Variants in GNAS-AS1 observed in about 807,000 individuals in gnomAD.
GNAS-AS1 encodes the protein GNAS antisense RNA 1 (non-protein coding).
At chr20:58,832,105 A>T (rs1162052525) in intron 4 of GNAS-AS1, among the ~76,000 whole-genome samples, 2 of 152,224 alleles carry the variant, frequency 1.3e-5, no homozygotes, top group Non-Finnish European at 2.9e-5. Context: ...AAAGTGGCAG[A>T]AGATGAGAAA....
At chr20:58,823,485 C>T (rs1034577803) in intron 4 of GNAS-AS1, among the ~76,000 whole-genome samples, 1 of 152,192 alleles carries the variant, frequency 6.6e-6, no homozygotes, top group Admixed American at 6.5e-5. Flanking sequence ...GACGGGCGCA[C>T]GTGCCTGGAG....
chr20:58,831,386 AAAC>A (rs2085567790), intron 4 of GNAS-AS1, among the ~76,000 whole-genome samples: 1 of 152,344 alleles, frequency 6.6e-6, no homozygotes, highest in East Asian at 1.9e-4. Context: ...AAAATTTAAA[AAAC>A]AACATCAGCG....
intron 4 of GNAS-AS1, among the ~76,000 whole-genome samples, chr20:58,822,495 C>T (rs896865129): frequency 2.6e-5 from 4 of 152,186 alleles, no homozygotes; most frequent in African/African-American, 9.7e-5. Flanking sequence ...TGGCCAAAGG[C>T]TTCTGTAAAA....
At chr20:58,821,448 C>T (rs2085486569) in intron 4 of GNAS-AS1, among the ~76,000 whole-genome samples, 1 of 152,250 alleles carries the variant, frequency 6.6e-6, no homozygotes, top group Non-Finnish European at 1.5e-5. Flanking sequence ...GATTTTCCTG[C>T]TGTGTGGCCT....
chr20:58,827,291 T>C (rs2085527344), intron 4 of GNAS-AS1, among the ~76,000 whole-genome samples: 2 of 152,252 alleles, frequency 1.3e-5, no homozygotes, highest in East Asian at 1.9e-4. Context: ...TCCTGACTCA[T>C]AGAGGGCCTG....
At chr20:58,847,834 C>T (rs913812138) in intron 2 of GNAS-AS1, among the ~76,000 whole-genome samples, 1 of 152,196 alleles carries the variant, frequency 6.6e-6, no homozygotes, top group African/African-American at 2.4e-5. Context: ...GCTACCTAAA[C>T]TTGAGATATG....
intron 4 of GNAS-AS1, among the ~76,000 whole-genome samples, chr20:58,837,459 G>A (rs2085611240): frequency 6.6e-6 from 1 of 152,194 alleles, no homozygotes; most frequent in South Asian, 2.1e-4. Context: ...TGGTAGAGCA[G>A]GGCACAACTG....
chr20:58,832,871 C>G (rs998793843), intron 4 of GNAS-AS1, among the ~76,000 whole-genome samples: 1 of 152,246 alleles, frequency 6.6e-6, no homozygotes, highest in Non-Finnish European at 1.5e-5. Context: ...TCTCAATCCC[C>G]ACACAGCACC....
At chr20:58,827,333 C>G (rs528555357) in intron 4 of GNAS-AS1, among the ~76,000 whole-genome samples, 1 of 152,260 alleles carries the variant, frequency 6.6e-6, no homozygotes, top group African/African-American at 2.4e-5. Flanking sequence ...TCTCCTCTAC[C>G]AGAAAGAAGA....
At chr20:58,842,884 A>G (rs1023589275) in intron 2 of GNAS-AS1, among the ~76,000 whole-genome samples, 13 of 152,218 alleles carry the variant, frequency 8.5e-5, no homozygotes, top group African/African-American at 3.1e-4. Context: ...CCGTTTTCCC[A>G]CAGAGAATTA....
chr20:58,840,101 A>G lies in GNAS-AS1; in HGVS notation n.819+1836T>C, dbSNP rs565827536. The stretch of plus-strand genomic sequence containing the variant: ...CAGGCCGGCTTCTCGGTGTGTGCCT[A>G]AGAGGATGGATCGGAGGTCCCGGGC... On this transcript the variant is annotated intron_variant and non_coding_transcript_variant, in intron 4 of 4. Coordinates refer to ENST00000424094, the Ensembl canonical transcript of GNAS-AS1. The surrounding 1 kb of genome is among the most constrained non-coding windows in gnomAD (Gnocchi z 6.0). 2.9e-5 allele frequency: 47 copies of G among 1,610,098 alleles called. No homozygotes were observed. The South Asian group carries it at 4.8e-4, about 17-fold the overall frequency.
chr20:58,833,762 T>C (rs2085583272), intron 4 of GNAS-AS1: 1 of 152,206 alleles, frequency 6.6e-6, no homozygotes, highest in Non-Finnish European at 1.5e-5. Flanking sequence ...TCATCTTCAC[T>C]GGACTGTCTT....
intron 4 of GNAS-AS1, among the ~76,000 whole-genome samples, chr20:58,834,945 C>A (rs1362089775): frequency 2.0e-5 from 3 of 152,172 alleles, no homozygotes; most frequent in Non-Finnish European, 2.9e-5. Context: ...GGCATTCCCC[C>A]AAATCTCAAA....
intron 4 of GNAS-AS1, among the ~76,000 whole-genome samples, chr20:58,822,460 C>A (rs941147560): frequency 6.6e-6 from 1 of 152,200 alleles, no homozygotes. Context: ...AAACTAGAGG[C>A]TCCACTAGAC....
intron 2 of GNAS-AS1, among the ~76,000 whole-genome samples, chr20:58,848,649 G>T (rs77425686): frequency 6.6e-6 from 1 of 152,142 alleles, no homozygotes; most frequent in Non-Finnish European, 1.5e-5. Context: ...TCTTGAGCTA[G>T]CAAAATTATC....
chr20:58,824,814 T>C (rs79375984), intron 4 of GNAS-AS1, among the ~76,000 whole-genome samples: 6,088 of 152,234 alleles, frequency 0.04, 197 homozygotes, highest in African/African-American at 0.078. Flanking sequence ...GAAGAGAGCA[T>C]TGTACTTTCT....
Position 58,841,598 on chromosome 20 carries a change from G to A in GNAS-AS1, n.819+339C>T. ...CTCGCGGGACAGAGACCGCCTCAAA[G>A]AGCGTGCGCACCTGCCCGCGCGCGC... On this transcript the variant is annotated intron_variant and non_coding_transcript_variant, in intron 4 of 4. Transcript: ENST00000424094. The surrounding 1 kb of genome is among the most constrained non-coding windows in gnomAD (Gnocchi z 5.0). The A allele has an allele frequency of 2.9e-6, 3 of 1,025,444 alleles. No individual in the cohort carries two copies. Among genetic ancestry groups the A allele is most frequent in the Non-Finnish European group, 3.5e-6 (3 of 856,524 alleles). The allele number at this position is 1,025,444 out of a possible 1,614,324, so 63.5% of individuals were successfully genotyped here. A position where few individuals can be genotyped will look rare whatever the true frequency, so the allele number is the denominator to read the frequency against.
Sources: gnomAD v4.1 joint callset for allele counts (sites outside exome capture counted in the v4.1 genomes callset) on GRCh38, gnomAD v4.1.1 for gene constraint, Gnocchi (gnomAD v3.1) non-coding constraint, MANE v1.5 for transcripts, NCBI Gene and HGNC (gene_info 2026-07-23, HGNC 2026-07-21) for gene names.